The following HOMER2 variants were observed in gnomAD, a reference collection of about 807,000 sequenced individuals.
HOMER2 encodes homer protein homolog 2.
Under a neutral mutation model 47.0 loss-of-function variants are expected in HOMER2, and 27 were observed. The observed-to-expected ratio is 0.57, with a 90% CI of 0.42 to 0.79. HOMER2 has a LOEUF of 0.79. HOMER2 is among the 30% of genes least tolerant of loss of function. The pLI, the probability that HOMER2 is intolerant of heterozygous loss-of-function variation, is 0.00. For missense variants in HOMER2, 443 were observed against 435.0 expected, an observed-to-expected ratio of 1.02 and a Z score of -0.16; for synonymous variants, 161 against 163.8, an observed-to-expected ratio of 0.98 and a Z score of 0.13.
upstream of HOMER2, chr15:82,985,964 C>G (rs2030584399): frequency 1.6e-6 from 1 of 612,724 alleles, no homozygotes. Context: ...CTACCCGTCA[C>G]CTGCTCCCAA....
intron 4 of HOMER2, among the ~76,000 whole-genome samples, chr15:82,861,727 C>G (rs2051797110): frequency 6.6e-6 from 1 of 152,128 alleles, no homozygotes. Context: ...CATACAAGGG[C>G]CGGGTGCAGT....
At chr15:82,971,515 A>G (rs4842935) in intron 1 of HOMER2, among the ~76,000 whole-genome samples, 40,102 of 151,966 alleles carry the variant, frequency 0.26, 5,664 homozygotes, top group East Asian at 0.58. Context: ...CTTTGACACC[A>G]TTTTCAAATA....
chr15:82,905,506 T>C (rs1418336017), intron 1 of HOMER2, among the ~76,000 whole-genome samples: 1 of 151,980 alleles, frequency 6.6e-6, no homozygotes, highest in African/African-American at 2.4e-5. Flanking sequence ...AGAAAAACTA[T>C]ACCCTAGGCA....
chr15:82,850,385 G>A (rs1001255765), intron 8 of HOMER2, among the ~76,000 whole-genome samples: 4 of 152,206 alleles, frequency 2.6e-5, no homozygotes, highest in Non-Finnish European at 5.9e-5. Flanking sequence ...AGGAAGGACT[G>A]GCCATGCCAA....
intron 8 of HOMER2, among the ~76,000 whole-genome samples, chr15:82,850,860 C>A (rs569613671): frequency 6.6e-6 from 1 of 152,172 alleles, no homozygotes; most frequent in Non-Finnish European, 1.5e-5. Flanking sequence ...GCCGCCCCCC[C>A]GCTCCTCACC....
chr15:82,984,748 C>T (rs2030531318), intron 1 of HOMER2, among the ~76,000 whole-genome samples: 1 of 152,108 alleles, frequency 6.6e-6, no homozygotes, highest in African/African-American at 2.4e-5. Flanking sequence ...CCCAGGAAGT[C>T]GAGGCTGCAG....
intron 1 of HOMER2, among the ~76,000 whole-genome samples, chr15:82,981,078 C>G (rs2030379540): frequency 6.6e-6 from 1 of 152,070 alleles, no homozygotes; most frequent in Non-Finnish European, 1.5e-5. Flanking sequence ...GAGTTGAAAA[C>G]AGAGAAGAGA....
At chr15:82,941,442 CAAAAAAAAAAAA>C (rs10602958) in intron 1 of HOMER2, among the ~76,000 whole-genome samples, 2,450 of 74,564 alleles carry the variant, frequency 0.033, 40 homozygotes, top group Non-Finnish European at 0.045. Context: ...GAGTCTGTCT[CAAAAAAAAAAAA>C]AAAAAAAAAA....
At chr15:82,947,839 T>C (rs2054414981) in intron 1 of HOMER2, among the ~76,000 whole-genome samples, 1 of 152,214 alleles carries the variant, frequency 6.6e-6, no homozygotes, top group Non-Finnish European at 1.5e-5. Flanking sequence ...CCAGGCACTG[T>C]GCTAGGTGTT....
intron 1 of HOMER2, among the ~76,000 whole-genome samples, chr15:82,948,162 C>T (rs1287562939): frequency 6.6e-6 from 1 of 151,982 alleles, no homozygotes; most frequent in East Asian, 1.9e-4. Context: ...GAGGCCGGGG[C>T]AGGCGAATCA....
At chr15:82,897,352 C>G (rs918324881) in intron 1 of HOMER2, among the ~76,000 whole-genome samples, 4 of 152,126 alleles carry the variant, frequency 2.6e-5, no homozygotes, top group African/African-American at 9.7e-5. Context: ...GCTTGAGCCA[C>G]TGCACCCAGC....
chr15:82,951,540 A>C (rs1369691515), intron 1 of HOMER2, among the ~76,000 whole-genome samples: 1 of 152,144 alleles, frequency 6.6e-6, no homozygotes, highest in Non-Finnish European at 1.5e-5. Context: ...AGATCTCTAG[A>C]CCCTTGGAGC....
intron 1 of HOMER2, among the ~76,000 whole-genome samples, chr15:82,910,765 C>A (rs2053429587): frequency 6.6e-6 from 1 of 152,102 alleles, no homozygotes; most frequent in African/African-American, 2.4e-5. Context: ...GTCTCCGGGG[C>A]CTGTTCAATG....
At position 82,875,508 on chromosome 15, in the gene HOMER2, C is replaced by T. The variant is rs866749392; in HGVS notation, c.163-104G>A. ...CAAAGCCAGTGCTTCAAGCCTGTAT[C>T]CTCTGCCCTGTTAAATTTGGTCCCG... On this transcript the variant is annotated intron_variant, in intron 2 of 8. Coordinates refer to ENST00000450735, the MANE Select transcript of HOMER2 (RefSeq NM_004839.4). The T allele has an allele frequency of 3.3e-6, 4 of 1,220,094 alleles. No individual in the cohort carries two copies. The South Asian group carries it at 5.8e-5, about 18-fold the overall frequency. The allele number at this position is 1,220,094 out of a possible 1,614,324, so 75.6% of individuals were successfully genotyped here. A position where few individuals can be genotyped will look rare whatever the true frequency, so the allele number is the denominator to read the frequency against.
At chr15:82,933,323 C>G (rs1428333477) in intron 1 of HOMER2, among the ~76,000 whole-genome samples, 1 of 152,056 alleles carries the variant, frequency 6.6e-6, no homozygotes, top group Non-Finnish European at 1.5e-5. Context: ...ACCTCCTGGG[C>G]TCAAGGAATT....
chr15:82,942,325 G>T (rs1268565968), intron 1 of HOMER2, among the ~76,000 whole-genome samples: 1 of 152,212 alleles, frequency 6.6e-6, no homozygotes, highest in African/African-American at 2.4e-5. Flanking sequence ...AAAGGATCAA[G>T]AAAGGTAAAA....
chr15:82,854,524 C>A, intron 6 of HOMER2, 120 bp downstream of exon 6: 1 of 1,015,524 alleles, frequency 9.8e-7, no homozygotes, highest in East Asian at 2.7e-5. Flanking sequence ...GGCAGCAAGT[C>A]TTCCTCTGGC....
At chr15:82,923,943 C>T (rs538870030) in intron 1 of HOMER2, among the ~76,000 whole-genome samples, 2 of 152,264 alleles carry the variant, frequency 1.3e-5, no homozygotes, top group East Asian at 1.9e-4. Context: ...TCTTACGTGC[C>T]GTGTCTCAGC....
intron 1 of HOMER2, among the ~76,000 whole-genome samples, chr15:82,939,677 ACAAAAAAAAGAAC>A (rs2054219868): frequency 6.6e-6 from 1 of 152,100 alleles, no homozygotes; most frequent in Non-Finnish European, 1.5e-5. Context: ...CTCAACAACA[ACAAAAAAAAGAAC>A]ATGAATTTTG....
Sources: gnomAD v4.1 joint callset for allele counts (sites outside exome capture counted in the v4.1 genomes callset) on GRCh38, gnomAD v4.1.1 for gene constraint, MANE v1.5 for transcripts, NCBI Gene and HGNC (gene_info 2026-07-23, HGNC 2026-07-21) for gene names.